Variants in SH3RF2 observed in about 807,000 individuals in gnomAD.
The protein encoded by SH3RF2 is SH3 domain containing ring finger 2.
A neutral mutation model predicts 59.0 loss-of-function variants in SH3RF2; 43 were observed. The ratio of observed to expected loss-of-function variants is 0.73; its 90% confidence interval spans 0.57 to 0.94. The LOEUF (loss-of-function observed/expected upper bound fraction) is 0.94, where lower values mean the gene tolerates loss of function less well. Among genes scored for constraint, SH3RF2 ranks in the 40% least tolerant of loss-of-function variants. SH3RF2 has a pLI of 0.00. For synonymous variants in SH3RF2, 391 were observed against 391.5 expected, an observed-to-expected ratio of 1.00 and a Z score of 0.01; for missense variants, 930 against 940.1, an observed-to-expected ratio of 0.99 and a Z score of 0.14.
intron 9 of SH3RF2, among the ~76,000 whole-genome samples, chr5:146,068,852 A>G (rs1318021759): frequency 6.6e-6 from 1 of 152,246 alleles, no homozygotes; most frequent in Non-Finnish European, 1.5e-5. Flanking sequence ...CATATGAAAT[A>G]TATGTCTGTA....
chr5:146,053,413 G>A (rs977913753), intron 7 of SH3RF2, among the ~76,000 whole-genome samples: 50 of 151,926 alleles, frequency 3.3e-4, no homozygotes, highest in Admixed American at 3.1e-3. Context: ...TCTATTGTGT[G>A]TAGTCTTGGT....
At chr5:145,969,875 T>C (rs1178203630) in intron 2 of SH3RF2, among the ~76,000 whole-genome samples, 1 of 152,206 alleles carries the variant, frequency 6.6e-6, no homozygotes, top group Non-Finnish European at 1.5e-5. Flanking sequence ...TGTGGTTCCT[T>C]GGCCTGCTGG....
At chr5:145,992,524 G>T (rs1759979147) in intron 2 of SH3RF2, among the ~76,000 whole-genome samples, 1 of 152,174 alleles carries the variant, frequency 6.6e-6, no homozygotes, top group South Asian at 2.1e-4. Flanking sequence ...ACCCAAGACT[G>T]GGCAATTTAC....
chr5:145,979,589 A>G (rs547656542), intron 2 of SH3RF2, among the ~76,000 whole-genome samples: 2 of 152,304 alleles, frequency 1.3e-5, no homozygotes, highest in South Asian at 2.1e-4. Flanking sequence ...ATACCCCATC[A>G]TGGCTACTTT....
intron 2 of SH3RF2, among the ~76,000 whole-genome samples, chr5:145,939,882 C>T (rs1002006141): frequency 3.3e-5 from 5 of 152,156 alleles, no homozygotes; most frequent in Admixed American, 2.0e-4. Context: ...ACTCAGGAAA[C>T]GGTGTCACAC....
At chr5:146,021,453 G>T (rs955752698) in intron 5 of SH3RF2, among the ~76,000 whole-genome samples, 2 of 152,154 alleles carry the variant, frequency 1.3e-5, no homozygotes, top group Admixed American at 6.5e-5. Flanking sequence ...AGAGTTGTGG[G>T]TAGAAAAGAG....
intron 2 of SH3RF2, among the ~76,000 whole-genome samples, chr5:145,953,007 G>T (rs559620248): frequency 1.5e-4 from 23 of 151,922 alleles, no homozygotes; most frequent in Non-Finnish European, 3.2e-4. Context: ...TCAATAGAAG[G>T]CATTCAACAA....
In SH3RF2 at chr5:145,938,188, C is replaced by T. The variant is rs1392290565; in HGVS notation, c.260C>T (p.Ser87Phe). Residue 87 changes from serine to phenylalanine, a missense_variant, in exon 2 of 10, where the codon TCC (serine) becomes TTC (phenylalanine). Coordinates refer to ENST00000359120, the MANE Select transcript of SH3RF2 (RefSeq NM_152550.4). Reference protein sequence around the residue: ...RSGQSSGRGGSFRRPGTMTLQ... With the variant: ...RSGQSSGRGGFFRRPGTMTLQ... ...GGGCAGAGCTCCGGGAGAGGGGGCTCCTTCCGCAGGCCTGGCACGATGACC... is the reference window on the plus strand; with the variant it reads ...GGGCAGAGCTCCGGGAGAGGGGGCTTCTTCCGCAGGCCTGGCACGATGACC... 6.2e-7 allele frequency: 1 copy of T among 1,613,852 alleles called. No homozygotes were observed. The highest frequency in any genetic ancestry group is 1.3e-5 in the African/African-American group (1 of 74,940).
At chr5:146,005,064 G>T (rs1357860536) in intron 4 of SH3RF2, among the ~76,000 whole-genome samples, 2 of 152,014 alleles carry the variant, frequency 1.3e-5, no homozygotes, top group Non-Finnish European at 2.9e-5. Context: ...TAGATGATGA[G>T]ATTCTAGATG....
chr5:146,004,016 GA>G, intron 3 of SH3RF2, 41 bp from the exon 4 acceptor site: 1 of 1,568,740 alleles, frequency 6.4e-7, no homozygotes, highest in Non-Finnish European at 8.8e-7. Context: ...TTTACTGCCT[GA>G]AAATGAGAGT....
intron 9 of SH3RF2, among the ~76,000 whole-genome samples, chr5:146,077,324 T>A (rs533780264): frequency 6.6e-6 from 1 of 152,334 alleles, no homozygotes; most frequent in African/African-American, 2.4e-5. Flanking sequence ...ATCATAGGAA[T>A]GCAGGTTGAG....
intron 2 of SH3RF2, among the ~76,000 whole-genome samples, chr5:145,995,994 T>C (rs1374522188): frequency 4.6e-5 from 7 of 152,172 alleles, no homozygotes; most frequent in African/African-American, 1.7e-4. Flanking sequence ...TTAAACCCCC[T>C]AGCACATATA....
intron 8 of SH3RF2, among the ~76,000 whole-genome samples, chr5:146,057,968 C>CTATATATATATATATATA (rs1356931578): frequency 1.4e-5 from 1 of 71,730 alleles, no homozygotes; most frequent in African/African-American, 3.7e-5. Context: ...CTCTCTCTCT[C>CTATATATATATATATATA]TATCTATCTA....
At chr5:145,989,350 T>A (rs1561726423) in intron 2 of SH3RF2, among the ~76,000 whole-genome samples, 1 of 152,248 alleles carries the variant, frequency 6.6e-6, no homozygotes, top group Non-Finnish European at 1.5e-5. Context: ...GTAATTCTTA[T>A]CAGCCATTTG....
Position 146,075,845 on chromosome 5 carries a change from G to A in SH3RF2, c.*34-2615G>A, listed in dbSNP as rs568797736. Among the ~76,000 whole-genome samples the A allele has an allele frequency of 3.3e-5, 5 of 149,700 alleles. No individual in the cohort carries two copies. In the South Asian group the frequency reaches 6.4e-4, roughly 19 times the overall value. On this transcript the variant is annotated intron_variant, in intron 9 of 9. Coordinates refer to the SH3RF2 transcript ENST00000511217. ...TATCTCCAGACATCAGGGGGTTTTG[G>A]TGATGTTTTTGTTTTTGTTTTTTAC...
Position 145,938,266 on chromosome 5 carries a change from C to A in SH3RF2, c.338C>A (p.Pro113His). The change falls in exon 2 of 10, where the codon CCT (proline) becomes CAT (histidine). Residue 113 changes from proline (P) to histidine (H), a missense_variant. Physicochemically the swap from Pro to His is moderately conservative, Grantham distance 77 (BLOSUM62 -2). Coordinates refer to ENST00000359120, the MANE Select transcript of SH3RF2 (RefSeq NM_152550.4). ...RTNPRRLQAS[P>H]FRLVPNVRIH... ...AACCCCAGACGTCTGCAGGCCAGTC[C>A]TTTCCGGCTAGTGCCTAATGTCAGA... 6.3e-7 allele frequency: 1 copy of A among 1,590,896 alleles called. No individual in the cohort carries two copies. The highest frequency in any genetic ancestry group is 1.3e-5 in the African/African-American group (1 of 74,560).
intron 5 of SH3RF2, among the ~76,000 whole-genome samples, chr5:146,031,470 G>T (rs1474978066): frequency 6.6e-6 from 1 of 152,208 alleles, no homozygotes; most frequent in Admixed American, 6.5e-5. Context: ...AAAGAAAGAA[G>T]ATGTGAATGA....
At chr5:146,023,273 A>G (rs960267796) in intron 5 of SH3RF2, among the ~76,000 whole-genome samples, 5 of 151,400 alleles carry the variant, frequency 3.3e-5, no homozygotes, top group African/African-American at 1.2e-4. Flanking sequence ...TAGTGGCATG[A>G]TCTTGGCTCA....
intron 2 of SH3RF2, among the ~76,000 whole-genome samples, chr5:145,947,153 C>CATAT (rs10630349): frequency 1.8e-4 from 26 of 145,808 alleles, no homozygotes; most frequent in African/African-American, 5.0e-4. Context: ...TGTCCTCTCC[C>CATAT]ATATATATAT....
Sources: allele counts gnomAD v4.1 joint callset (sites outside exome capture counted in the v4.1 genomes callset), GRCh38; gene constraint gnomAD v4.1.1; transcripts MANE v1.5; gene names NCBI Gene and HGNC (gene_info 2026-07-23, HGNC 2026-07-21).